WDR70: variants seen among roughly 807,000 people sequenced by gnomAD.
The protein encoded by WDR70 is WD repeat domain 70, also known as WD repeat-containing protein 70.
Under a neutral mutation model 88.6 loss-of-function variants are expected in WDR70, and 53 were observed. The observed-to-expected ratio is 0.60, with a 90% CI of 0.48 to 0.75. The LOEUF is 0.75. Ranked by LOEUF, WDR70 falls within the 30% of genes least tolerant of loss-of-function variation. The pLI is 0.00. For synonymous variants in WDR70, 280 were observed against 270.0 expected (o/e 1.04, Z -0.36); for missense variants, 610 against 823.2 (o/e 0.74, Z 3.17).
intron 17 of WDR70, among the ~76,000 whole-genome samples, chr5:37,749,827 G>T (rs1748749996): frequency 2.9e-5 from 1 of 35,006 alleles, no homozygotes; most frequent in Non-Finnish European, 1.3e-4. Context: ...TTCAATACTA[G>T]GTGAAAAAAA....
intron 7 of WDR70, among the ~76,000 whole-genome samples, chr5:37,444,805 T>A (rs564002885): frequency 1.0e-3 from 157 of 152,022 alleles, no homozygotes; most frequent in Non-Finnish European, 1.8e-3. Context: ...GAGGTCGGGG[T>A]GGTGGGATGG....
chr5:37,556,449 T>C (rs961934967), intron 9 of WDR70, among the ~76,000 whole-genome samples: 1 of 152,250 alleles, frequency 6.6e-6, no homozygotes, highest in African/African-American at 2.4e-5. Context: ...CTAGCTCTGA[T>C]AATTGAAATA....
intron 10 of WDR70, among the ~76,000 whole-genome samples, chr5:37,653,773 A>G (rs1469949945): frequency 1.3e-5 from 2 of 152,034 alleles, no homozygotes; most frequent in East Asian, 1.9e-4. Flanking sequence ...TTTCTGTGGG[A>G]TCAGTGGTGA....
intron 10 of WDR70, among the ~76,000 whole-genome samples, chr5:37,616,038 G>C (rs1744330686): frequency 6.6e-6 from 1 of 152,114 alleles, no homozygotes; most frequent in Non-Finnish European, 1.5e-5. Flanking sequence ...ATAATGTTCA[G>C]ATTTTCTCAG....
rs1334751705 is a variant in WDR70 at position 37,384,920 on chromosome 5, A to G, written c.175+3235A>G. Among the ~76,000 whole-genome samples the G allele has an allele frequency of 2.6e-5, 4 of 152,126 alleles. No homozygotes were observed. In the East Asian group the frequency reaches 5.8e-4, roughly 22 times the overall value. On this transcript the variant is annotated intron_variant, in intron 3 of 17. Coordinates refer to ENST00000265107, the MANE Select transcript of WDR70 (RefSeq NM_018034.4). ...ACCACAAGACTGCCTTCACTCAGAC[A>G]CTAATCTCAATTCACAGGTTGTGAC...
chr5:37,751,256 G>T (rs1236062052), intron 17 of WDR70, among the ~76,000 whole-genome samples: 1 of 152,158 alleles, frequency 6.6e-6, no homozygotes, highest in Non-Finnish European at 1.5e-5. Context: ...GCAACTTATG[G>T]CCTATCAAAA....
chr5:37,696,049 C>A (rs1205720288), intron 10 of WDR70, among the ~76,000 whole-genome samples: 1 of 152,186 alleles, frequency 6.6e-6, no homozygotes, highest in Non-Finnish European at 1.5e-5. Context: ...CTCTGTATTT[C>A]CCCATTGTAG....
chr5:37,535,098 TAATA>T (rs1741622140), intron 9 of WDR70, among the ~76,000 whole-genome samples: 2 of 152,106 alleles, frequency 1.3e-5, no homozygotes, highest in Admixed American at 6.5e-5. Flanking sequence ...GTACAGCTAG[TAATA>T]AATAAATAAA....
intron 9 of WDR70, among the ~76,000 whole-genome samples, chr5:37,575,314 G>T (rs1462396575): frequency 6.6e-6 from 1 of 152,108 alleles, no homozygotes; most frequent in East Asian, 1.9e-4. Context: ...GGATGATGGC[G>T]CACCTTCTAC....
At chr5:37,732,945 T>C (rs1353715628) in intron 17 of WDR70, among the ~76,000 whole-genome samples, 1 of 152,074 alleles carries the variant, frequency 6.6e-6, no homozygotes, top group Non-Finnish European at 1.5e-5. Flanking sequence ...ATATTCCCAC[T>C]CAATACTTTT....
At chr5:37,402,944 G>GT (rs5867348) in intron 5 of WDR70, among the ~76,000 whole-genome samples, 24,124 of 82,950 alleles carry the variant, frequency 0.29, 5,508 homozygotes, top group East Asian at 0.49. Context: ...CCCTCCCTCC[G>GT]TTTTTTTTTT....
chr5:37,407,606 C>T (rs775001897), intron 5 of WDR70, among the ~76,000 whole-genome samples: 117 of 151,812 alleles, frequency 7.7e-4, no homozygotes, highest in Middle Eastern at 3.4e-3. Flanking sequence ...ATAATTAGTC[C>T]AATTTATTTA....
rs192591359 is a variant in WDR70, at chr5:37,445,652, T to G, written c.686+2280T>G. On this transcript the variant is annotated intron_variant, in intron 7 of 17. Transcript: ENST00000265107. ...GGCTCAACATACGCAAATCAATAAA[T>G]GTAGTCCAGCATATAAACAGAACCA... Among the ~76,000 whole-genome samples the G allele has an allele frequency of 1.2e-4, 18 of 152,276 alleles. No individual in the cohort carries two copies. The East Asian group carries it at 2.9e-3, about 24-fold the overall frequency.
intron 9 of WDR70, among the ~76,000 whole-genome samples, chr5:37,561,962 A>G (rs945563635): frequency 1.3e-5 from 2 of 152,252 alleles, no homozygotes; most frequent in African/African-American, 4.8e-5. Flanking sequence ...GAGGTATTCC[A>G]TGATGCTGTC....
At chr5:37,667,982 A>G (rs1745913043) in intron 10 of WDR70, among the ~76,000 whole-genome samples, 1 of 152,172 alleles carries the variant, frequency 6.6e-6, no homozygotes, top group South Asian at 2.1e-4. Context: ...TGAATCTTCA[A>G]GACAAGGCCA....
chr5:37,388,971 A>G (rs1748719384), intron 3 of WDR70, among the ~76,000 whole-genome samples: 1 of 151,952 alleles, frequency 6.6e-6, no homozygotes, highest in Non-Finnish European at 1.5e-5. Context: ...AATATAATTG[A>G]CTGTAAGACC....
At chr5:37,526,220 T>C (rs895399717) in intron 9 of WDR70, among the ~76,000 whole-genome samples, 1 of 152,150 alleles carries the variant, frequency 6.6e-6, no homozygotes, top group East Asian at 1.9e-4. Flanking sequence ...TGAACATCAA[T>C]GCAAAAATCC....
At chr5:37,622,112 T>C (rs907029010) in intron 10 of WDR70, among the ~76,000 whole-genome samples, 6 of 152,180 alleles carry the variant, frequency 3.9e-5, no homozygotes, top group Admixed American at 3.3e-4. Context: ...ACCAGTACCA[T>C]GCTGTTTTGG....
At chr5:37,412,781 C>CTCTT (rs1408849290) in intron 5 of WDR70, among the ~76,000 whole-genome samples, 1 of 152,152 alleles carries the variant, frequency 6.6e-6, no homozygotes. Context: ...ATCAGTCAGT[C>CTCTT]TCTTTCCCTG....
Sources: gnomAD v4.1 joint callset for allele counts (sites outside exome capture counted in the v4.1 genomes callset) on GRCh38, gnomAD v4.1.1 for gene constraint, MANE v1.5 for transcripts, NCBI Gene and HGNC (gene_info 2026-07-23, HGNC 2026-07-21) for gene names.